Variants in AADAT observed in about 807,000 individuals in gnomAD.
AADAT encodes the protein kynurenine/alpha-aminoadipate aminotransferase, mitochondrial.
AADAT carries 25 observed loss-of-function variants against 56.2 expected under a neutral mutation model. The observed-to-expected ratio is 0.44, with a 90% confidence interval of 0.32 to 0.62. The LOEUF is 0.62. AADAT is among the 20% of genes least tolerant of loss of function. The pLI is 0.04. For missense variants in AADAT, 387 were observed against 510.5 expected, an observed-to-expected ratio of 0.76 and a Z score of 2.33; for synonymous variants, 173 against 164.7, an observed-to-expected ratio of 1.05 and a Z score of -0.39.
At position 170,070,654 on chromosome 4, in the gene AADAT, T is replaced by TA; in HGVS notation, c.655-3dup. The TA allele has an allele frequency of 6.5e-7, 1 of 1,533,170 alleles. No individual in the cohort carries two copies. Among genetic ancestry groups the TA allele is most frequent in the East Asian group, 2.4e-5 (1 of 41,548 alleles). 95.0% of individuals were successfully genotyped at this position (1,533,170 alleles called of 1,614,324 possible). A position where few individuals can be genotyped will look rare whatever the true frequency, so the allele number is the denominator to read the frequency against. On this transcript the variant is annotated splice_region_variant and splice_polypyrimidine_tract_variant and intron_variant, in intron 5 of 12. Coordinates refer to ENST00000337664, the MANE Select transcript of AADAT (RefSeq NM_016228.4). Reference sequence around the variant, plus strand: ...GAGGAAATCATATTTTCTTGCAAGCTAAAAAAGGTTGAAGTAATTGTTTAT... The same window carrying TA: ...GAGGAAATCATATTTTCTTGCAAGCTAAAAAAAGGTTGAAGTAATTGTTTAT...
chr4:170,072,673 T>C lies in AADAT; in HGVS notation c.654+463A>G, dbSNP rs1731832941. 1.3e-5 allele frequency among the ~76,000 whole-genome samples: 2 copies of C among 152,200 alleles called. 1 individual carries two copies. Among genetic ancestry groups the C allele is most frequent in the South Asian group, 4.1e-4 (2 of 4,832 alleles). Reference sequence around the variant, plus strand: ...TCTGGGGAGCTTAATATATGTTTGATACTTAAAAAAATGTTTATAGTGAAA... The same window carrying C: ...TCTGGGGAGCTTAATATATGTTTGACACTTAAAAAAATGTTTATAGTGAAA... On this transcript the variant is annotated intron_variant, in intron 5 of 12. Coordinates refer to ENST00000337664, the MANE Select transcript of AADAT (RefSeq NM_016228.4).
intron 3 of AADAT, among the ~76,000 whole-genome samples, chr4:170,080,645 T>C (rs1205874373): frequency 1.3e-5 from 2 of 152,190 alleles, no homozygotes; most frequent in Non-Finnish European, 2.9e-5. Context: ...ATAATTCTTT[T>C]GCTAGCCATC....
intron 3 of AADAT, among the ~76,000 whole-genome samples, chr4:170,085,228 G>T (rs1338635156): frequency 6.6e-6 from 1 of 152,166 alleles, no homozygotes; most frequent in Non-Finnish European, 1.5e-5. Flanking sequence ...TTATGTTTTG[G>T]AGGAGTCAAA....
At chr4:170,094,250 G>A (rs1262970249), upstream of AADAT, among the ~76,000 whole-genome samples, 1 of 152,210 alleles carries the variant, frequency 6.6e-6, no homozygotes, top group African/African-American at 2.4e-5. Flanking sequence ...GAAGGGACAA[G>A]CAAGGGTTAA....
chr4:170,061,879 A>C lies in AADAT; in HGVS notation c.1236+13T>G, dbSNP rs758831171. On this transcript the variant is annotated intron_variant, in intron 12 of 12. Transcript: ENST00000337664. ...GCTAGCTAGTGTTACTCTGAGGAGA[A>C]TACTACACTCACCACATCCATCTGT... is the stretch of plus-strand genomic sequence containing the variant. The C allele has an allele frequency of 6.3e-7, 1 of 1,596,972 alleles. No individual in the cohort carries two copies. The highest frequency in any genetic ancestry group is 8.6e-7 in the Non-Finnish European group (1 of 1,165,914).
chr4:170,068,478 G>A, intron 8 of AADAT, 113 bp downstream of exon 8: 1 of 699,476 alleles, frequency 1.4e-6, no homozygotes, highest in East Asian at 3.1e-5. Context: ...TGCAAAGAAG[G>A]CAAACTATGA....
intron 2 of AADAT, among the ~76,000 whole-genome samples, chr4:170,087,751 T>G (rs58585745): frequency 6.6e-6 from 1 of 152,014 alleles, no homozygotes; most frequent in Non-Finnish European, 1.5e-5. Context: ...GTATAATTTA[T>G]AGATTCTCTA....
At chr4:170,064,143 G>A (rs934207623) in intron 11 of AADAT, among the ~76,000 whole-genome samples, 1 of 152,014 alleles carries the variant, frequency 6.6e-6, no homozygotes, top group African/African-American at 2.4e-5. Context: ...AAAATCATGG[G>A]CTATTTAAAA....
intron 2 of AADAT, 49 bp downstream of exon 2, chr4:170,088,347 T>C (rs761198784): frequency 6.6e-7 from 1 of 1,506,840 alleles, no homozygotes; most frequent in Non-Finnish European, 9.0e-7. Context: ...CCTTAGAATA[T>C]TTCTTATGAA....
chr4:170,086,245 CAAA>C (rs60150011), intron 3 of AADAT, among the ~76,000 whole-genome samples: 3 of 110,842 alleles, frequency 2.7e-5, no homozygotes, highest in African/African-American at 6.6e-5. Flanking sequence ...GACCCTGTCT[CAAA>C]AAAAAAAAAA....
rs374628121 is a variant in AADAT, at chr4:170,064,757, C to T, written c.1096G>A (p.Val366Ile). Residue 366 changes from valine to isoleucine, a missense_variant, in exon 11 of 13, where the codon GTA becomes ATA. By Grantham distance (29) the Val-to-Ile change is conservative. Transcript: ENST00000337664. ...GCCTTTTCTTCAATCAGTTCTTTTA[C>T]ATCATTAATGCCTTTAACTTTAATC... ...LWIKVKGIND[V>I]KELIEEKAVK... is the part of the protein sequence containing the mutation. 30 of 1,610,972 alleles carry T rather than the reference C, an allele frequency of 1.9e-5. No individual in the cohort carries two copies. Among genetic ancestry groups the T allele is most frequent in the Non-Finnish European group, 2.4e-5 (28 of 1,179,390 alleles).
rs151231482 is a variant in AADAT at position 170,068,641 on chromosome 4, C to T, written c.850G>A (p.Val284Ile). 6.2e-7 allele frequency: 1 copy of T among 1,608,006 alleles called. No individual in the cohort carries two copies. Among genetic ancestry groups the T allele is most frequent in the Non-Finnish European group, 8.5e-7 (1 of 1,178,894 alleles). Residue 284 changes from valine to isoleucine, a missense_variant, in exon 8 of 13, where the codon GTT becomes ATT. By Grantham distance (29) the Val-to-Ile change is conservative. Coordinates refer to ENST00000337664, the MANE Select transcript of AADAT (RefSeq NM_016228.4). ...GTTGAAACTTGTATGTGTAAAATAACTCTCTCTATTAAGGGTTTTGGACCA... is the reference window on the plus strand; with the variant it reads ...GTTGAAACTTGTATGTGTAAAATAATTCTCTCTATTAAGGGTTTTGGACCA... ...LTGPKPLIER[V>I]ILHIQVSTLH... is the part of the protein sequence containing the mutation.
chr4:170,094,257 T>G, upstream of AADAT, among the ~76,000 whole-genome samples: 1 of 152,110 alleles, frequency 6.6e-6, no homozygotes, highest in East Asian at 1.9e-4. Context: ...CAAGCAAGGG[T>G]TAAGTTGGGA....
At position 170,070,775 on chromosome 4, in the gene AADAT, T is replaced by C. The variant is rs1039398172; in HGVS notation, c.655-123A>G. ...ATTCAAGGAACTACTGTGTGTCTATTGTCTTAGACAACGAGGATAAAAAGA... is the reference window on the plus strand; with the variant it reads ...ATTCAAGGAACTACTGTGTGTCTATCGTCTTAGACAACGAGGATAAAAAGA... On this transcript the variant is annotated intron_variant, in intron 5 of 12. Coordinates refer to ENST00000337664, the MANE Select transcript of AADAT (RefSeq NM_016228.4). 5 of 642,218 alleles carry C rather than the reference T, an allele frequency of 7.8e-6. No homozygotes were observed. In the African/African-American group the frequency reaches 9.3e-5, roughly 12 times the overall value. 39.8% of individuals were successfully genotyped at this position (642,218 alleles called of 1,614,324 possible). A position where few individuals can be genotyped will look rare whatever the true frequency, so the allele number is the denominator to read the frequency against.
At chr4:170,063,213 G>A (rs1731278437) in intron 11 of AADAT, among the ~76,000 whole-genome samples, 1 of 152,220 alleles carries the variant, frequency 6.6e-6, no homozygotes, top group South Asian at 2.1e-4. Context: ...TGTACTAGAA[G>A]CAAGGAGCTG....
intron 9 of AADAT, 109 bp downstream of exon 9, chr4:170,067,218 T>C: frequency 1.2e-6 from 1 of 830,406 alleles, no homozygotes; most frequent in Non-Finnish European, 1.9e-6. Context: ...TTGTCTCTCC[T>C]TTCCGAGGAT....
rs114764763 is a variant in AADAT, at chr4:170,078,156, A to G, written c.444+353T>C. Among the ~76,000 whole-genome samples the G allele has an allele frequency of 6.7e-3, 1,025 of 152,330 alleles. 14 individuals carry two copies. Among genetic ancestry groups the G allele is most frequent in the African/African-American group, 0.023 (970 of 41,580 alleles). ...ACATATAACATAGTTGTACTTATGC[A>G]TATGGTAATAAGATAGTAATAAAAA... On this transcript the variant is annotated intron_variant, in intron 4 of 12. Transcript: ENST00000337664.
intron 4 of AADAT, among the ~76,000 whole-genome samples, chr4:170,077,974 A>T (rs1459509301): frequency 2.0e-5 from 3 of 152,178 alleles, no homozygotes; most frequent in Non-Finnish European, 4.4e-5. Context: ...TCTGTCTTAA[A>T]GTAGACTGCC....
chr4:170,079,496 G>A (rs1247434652), intron 3 of AADAT, among the ~76,000 whole-genome samples: 1 of 152,202 alleles, frequency 6.6e-6, no homozygotes, highest in Admixed American at 6.5e-5. Flanking sequence ...CATGTGGAAA[G>A]TTTAGAAAGT....
Sources: allele counts gnomAD v4.1 joint callset (sites outside exome capture counted in the v4.1 genomes callset), GRCh38; gene constraint gnomAD v4.1.1; transcripts MANE v1.5; gene names NCBI Gene and HGNC (gene_info 2026-07-23, HGNC 2026-07-21).